Variants in ESRRG observed in about 807,000 individuals in gnomAD.
The protein encoded by ESRRG is estrogen-related receptor gamma.
ESRRG carries 13 observed loss-of-function variants against 44.0 expected under a neutral mutation model. The ratio of observed to expected loss-of-function variants is 0.30; its 90% CI spans 0.19 to 0.47. The LOEUF (loss-of-function observed/expected upper bound fraction) is 0.47. Ranked by LOEUF, ESRRG falls within the 20% of genes least tolerant of loss-of-function variation. The pLI, the probability that ESRRG is intolerant of heterozygous loss-of-function variation, is 1.00. For missense variants in ESRRG, 395 were observed against 580.6 expected (o/e 0.68, Z 3.29); for synonymous variants, 215 against 214.6 (o/e 1.00, Z -0.02).
chr1:216,792,483 A>G (rs2094349122), intron 2 of ESRRG, among the ~76,000 whole-genome samples: 1 of 152,180 alleles, frequency 6.6e-6, no homozygotes, highest in Non-Finnish European at 1.5e-5. Context: ...TTCAAAAACA[A>G]CTATTCAGGG....
chr1:216,846,879 T>G (rs141632050), intron 2 of ESRRG, among the ~76,000 whole-genome samples: 2 of 152,014 alleles, frequency 1.3e-5, no homozygotes, highest in East Asian at 3.9e-4. Context: ...AGATAGTTTT[T>G]TGTATATATA....
intron 1 of ESRRG, among the ~76,000 whole-genome samples, chr1:217,129,601 T>C (rs1011856955): frequency 6.6e-6 from 1 of 152,220 alleles, no homozygotes; most frequent in African/African-American, 2.4e-5. Flanking sequence ...TATTGAATAC[T>C]ATTCAGCGAT....
intron 2 of ESRRG, among the ~76,000 whole-genome samples, chr1:216,866,307 T>C (rs1559917178): frequency 6.6e-6 from 1 of 152,196 alleles, no homozygotes. Flanking sequence ...ATCATACATA[T>C]GTACATCCCC....
intron 3 of ESRRG, among the ~76,000 whole-genome samples, chr1:216,626,966 A>G (rs913514570): frequency 6.6e-6 from 1 of 152,190 alleles, no homozygotes; most frequent in Non-Finnish European, 1.5e-5. Flanking sequence ...GCCAGAACCT[A>G]AAAGACCTAA....
intron 1 of ESRRG, among the ~76,000 whole-genome samples, chr1:216,709,327 G>GTA (rs1206610559): frequency 1.2e-5 from 1 of 86,866 alleles, no homozygotes; most frequent in African/African-American, 4.0e-5. Context: ...ATATATATGT[G>GTA]TATGTGTGTG....
intron 2 of ESRRG, 87 bp from the exon 3 acceptor site, chr1:216,651,176 CTTA>C: frequency 3.7e-6 from 3 of 820,224 alleles, no homozygotes; most frequent in Non-Finnish European, 6.5e-6. Flanking sequence ...CTCTATTATT[CTTA>C]CTCTCCCACC....
At chr1:216,919,473 A>G (rs1408378095) in intron 2 of ESRRG, among the ~76,000 whole-genome samples, 2 of 152,146 alleles carry the variant, frequency 1.3e-5, no homozygotes, top group African/African-American at 2.4e-5. Context: ...CTGAAAAGCA[A>G]CTCTGAAATT....
At chr1:216,575,948 C>G (rs765972555) in intron 3 of ESRRG, among the ~76,000 whole-genome samples, 1 of 152,032 alleles carries the variant, frequency 6.6e-6, no homozygotes. Flanking sequence ...GGTGATTTCA[C>G]CTTTAAAAGT....
At chr1:216,862,229 C>CT (rs369096933) in intron 2 of ESRRG, 60,025 of 144,714 alleles carry the variant, frequency 0.41, 12,537 homozygotes, top group African/African-American at 0.5. Context: ...AACAGTTTCC[C>CT]TTTTTTTTTT....
intron 2 of ESRRG, among the ~76,000 whole-genome samples, chr1:216,901,916 C>G (rs1479618825): frequency 6.6e-6 from 1 of 152,030 alleles, no homozygotes; most frequent in East Asian, 1.9e-4. Flanking sequence ...CCATGCCCAG[C>G]TAATTTATTT....
intron 2 of ESRRG, among the ~76,000 whole-genome samples, chr1:216,936,270 C>T (rs1031312568): frequency 6.6e-6 from 1 of 152,032 alleles, no homozygotes; most frequent in Non-Finnish European, 1.5e-5. Context: ...GTCCAAGAAA[C>T]AACAATATGG....
intron 2 of ESRRG, among the ~76,000 whole-genome samples, chr1:216,842,916 AAACC>A (rs1451884603): frequency 1.3e-5 from 2 of 152,194 alleles, no homozygotes; most frequent in African/African-American, 4.8e-5. Context: ...AATTTCATAA[AAACC>A]AGTAAGCTGG....
At chr1:217,063,061 G>C (rs1283982742) in intron 1 of ESRRG, among the ~76,000 whole-genome samples, 1 of 152,066 alleles carries the variant, frequency 6.6e-6, no homozygotes, top group Non-Finnish European at 1.5e-5. Flanking sequence ...CTGGGACTTC[G>C]GGGTTTTATA....
At chr1:216,939,169 T>C (rs1485734110) in intron 2 of ESRRG, among the ~76,000 whole-genome samples, 1 of 151,986 alleles carries the variant, frequency 6.6e-6, no homozygotes, top group Non-Finnish European at 1.5e-5. Context: ...ATTTTACTTC[T>C]TAGGCACCAT....
At chr1:216,852,893 A>T (rs1017539382) in intron 2 of ESRRG, among the ~76,000 whole-genome samples, 1 of 152,022 alleles carries the variant, frequency 6.6e-6, no homozygotes, top group African/African-American at 2.4e-5. Flanking sequence ...CATTTGAGTC[A>T]CTCTGACTAT....
intron 1 of ESRRG, among the ~76,000 whole-genome samples, chr1:217,008,378 G>A (rs2078063999): frequency 6.6e-6 from 1 of 152,206 alleles, no homozygotes; most frequent in African/African-American, 2.4e-5. Flanking sequence ...CTCAACGAAA[G>A]TATAATCTAG....
chr1:216,943,440 G>A (rs1169683928), intron 1 of ESRRG, among the ~76,000 whole-genome samples: 1 of 152,122 alleles, frequency 6.6e-6, no homozygotes, highest in Non-Finnish European at 1.5e-5. Flanking sequence ...TCTCAAACAG[G>A]TTCTAAGAAT....
At chr1:216,530,701 T>C (rs1405385999) in intron 5 of ESRRG, among the ~76,000 whole-genome samples, 1 of 152,168 alleles carries the variant, frequency 6.6e-6, no homozygotes, top group Non-Finnish European at 1.5e-5. Context: ...TTCACTGAAA[T>C]GACCAAGAAT....
chr1:216,771,031 G>T (rs1253517442), intron 2 of ESRRG, among the ~76,000 whole-genome samples: 1 of 152,004 alleles, frequency 6.6e-6, no homozygotes, highest in Non-Finnish European at 1.5e-5. Context: ...TTAAAGACAG[G>T]TTCTTGCTAT....
Sources: allele counts gnomAD v4.1 joint callset (sites outside exome capture counted in the v4.1 genomes callset), GRCh38; gene constraint gnomAD v4.1.1; transcripts MANE v1.5; gene names NCBI Gene and HGNC (gene_info 2026-07-23, HGNC 2026-07-21).